MLLT3: variants seen among roughly 807,000 people sequenced by gnomAD.
MLLT3 encodes the protein MLLT3 super elongation complex subunit, also known as protein AF-9.
MLLT3 carries 4 observed loss-of-function variants against 53.2 expected under a neutral mutation model. That is an observed-to-expected ratio of 0.08 (90% confidence interval 0.04 to 0.17). The LOEUF (loss-of-function observed/expected upper bound fraction) is 0.17, where lower values mean the gene tolerates loss of function less well. Among genes scored for constraint, MLLT3 ranks in the 10% least tolerant of loss-of-function variants. The pLI, the probability that MLLT3 is intolerant of heterozygous loss-of-function variation, is 1.00. For missense variants in MLLT3, 569 were observed against 684.0 expected (o/e 0.83, Z 1.87); for synonymous variants, 283 against 230.6 (o/e 1.23, Z -2.06).
intron 5 of MLLT3, among the ~76,000 whole-genome samples, chr9:20,393,639 C>T (rs576020969): frequency 6.6e-6 from 1 of 152,314 alleles, no homozygotes; most frequent in East Asian, 1.9e-4. Context: ...TGCAATGCCT[C>T]TCTTCTTTAC....
At chr9:20,519,077 A>T (rs1404135282) in intron 2 of MLLT3, among the ~76,000 whole-genome samples, 1 of 152,234 alleles carries the variant, frequency 6.6e-6, no homozygotes, top group Non-Finnish European at 1.5e-5. Context: ...AATACTTATT[A>T]ACCAGAAGAA....
chr9:20,430,675 A>G (rs1262339303), intron 4 of MLLT3, among the ~76,000 whole-genome samples: 1 of 152,168 alleles, frequency 6.6e-6, no homozygotes, highest in Non-Finnish European at 1.5e-5. Context: ...AATTCAGGAG[A>G]ATATCTATAT....
intron 2 of MLLT3, among the ~76,000 whole-genome samples, chr9:20,513,833 A>T (rs1817828652): frequency 6.6e-6 from 1 of 152,260 alleles, no homozygotes; most frequent in Admixed American, 6.5e-5. Flanking sequence ...TTCAGAATAG[A>T]TGCTGAAGCA....
chr9:20,402,168 G>C (rs541995546), intron 5 of MLLT3, among the ~76,000 whole-genome samples: 1 of 152,286 alleles, frequency 6.6e-6, no homozygotes, highest in South Asian at 2.1e-4. Flanking sequence ...TAAGTCAAAA[G>C]TGCCAGTAAA....
At chr9:20,425,419 C>A (rs1001802100) in intron 4 of MLLT3, among the ~76,000 whole-genome samples, 1 of 152,018 alleles carries the variant, frequency 6.6e-6, no homozygotes, top group Non-Finnish European at 1.5e-5. Context: ...TTAAACACTT[C>A]GCTATTTTTT....
intron 2 of MLLT3, among the ~76,000 whole-genome samples, chr9:20,492,156 T>A (rs1487757879): frequency 2.0e-5 from 3 of 152,096 alleles, no homozygotes; most frequent in African/African-American, 7.2e-5. Context: ...AAAACCTCCA[T>A]CTTTGTCATT....
intron 5 of MLLT3, among the ~76,000 whole-genome samples, chr9:20,385,362 A>G (rs1337360945): frequency 2.0e-5 from 3 of 152,170 alleles, no homozygotes; most frequent in Non-Finnish European, 4.4e-5. Context: ...TGATTTACTT[A>G]AGGAGACTAC....
chr9:20,385,785 C>T (rs1822019590), intron 5 of MLLT3, among the ~76,000 whole-genome samples: 1 of 152,146 alleles, frequency 6.6e-6, no homozygotes, highest in African/African-American at 2.4e-5. Flanking sequence ...CTACAAGAGT[C>T]TCATATAATT....
At chr9:20,575,386 A>G (rs550476558) in intron 2 of MLLT3, among the ~76,000 whole-genome samples, 2 of 152,204 alleles carry the variant, frequency 1.3e-5, no homozygotes, top group East Asian at 1.9e-4. Flanking sequence ...CTCGCAGAAG[A>G]CCCAGATGAT....
At chr9:20,406,225 T>C (rs1274789481) in intron 5 of MLLT3, among the ~76,000 whole-genome samples, 1 of 152,092 alleles carries the variant, frequency 6.6e-6, no homozygotes, top group East Asian at 1.9e-4. Flanking sequence ...GTCTGGGCCA[T>C]ATAGCGAGAC....
At chr9:20,466,282 A>G (rs1036758530) in intron 2 of MLLT3, among the ~76,000 whole-genome samples, 7 of 152,212 alleles carry the variant, frequency 4.6e-5, no homozygotes, top group Admixed American at 4.6e-4. Context: ...TTGGCATTCA[A>G]AAGTTTCAGA....
At chr9:20,416,343 G>C (rs1822871184) in intron 4 of MLLT3, among the ~76,000 whole-genome samples, 1 of 151,620 alleles carries the variant, frequency 6.6e-6, no homozygotes, top group African/African-American at 2.4e-5. Context: ...CACATATTTT[G>C]TAAATAAGTT....
intron 2 of MLLT3, among the ~76,000 whole-genome samples, chr9:20,606,493 A>G (rs1563841122): frequency 6.6e-6 from 1 of 152,066 alleles, no homozygotes; most frequent in African/African-American, 2.4e-5. Context: ...ATTACATTAT[A>G]CTCCATTTGA....
intron 4 of MLLT3, among the ~76,000 whole-genome samples, chr9:20,430,713 T>C (rs1178426390): frequency 6.6e-6 from 1 of 152,074 alleles, no homozygotes; most frequent in Non-Finnish European, 1.5e-5. Flanking sequence ...ATATACTAAA[T>C]GGGACATTAA....
At chr9:20,477,110 G>A (rs1485135172) in intron 2 of MLLT3, among the ~76,000 whole-genome samples, 3 of 151,818 alleles carry the variant, frequency 2.0e-5, no homozygotes, top group South Asian at 4.2e-4. Context: ...GATGAATGTC[G>A]GAGGGATTCC....
chr9:20,357,276 T>A (rs1821194143), intron 8 of MLLT3, among the ~76,000 whole-genome samples: 1 of 152,176 alleles, frequency 6.6e-6, no homozygotes, highest in African/African-American at 2.4e-5. Flanking sequence ...AGCTTCTGGC[T>A]AAAAAAGATG....
At chr9:20,504,145 G>C (rs1464829257) in intron 2 of MLLT3, among the ~76,000 whole-genome samples, 1 of 152,058 alleles carries the variant, frequency 6.6e-6, no homozygotes, top group African/African-American at 2.4e-5. Context: ...AAAATTTTAA[G>C]GTTCCTCAAA....
chr9:20,367,761 G>A (rs3780828), intron 5 of MLLT3, among the ~76,000 whole-genome samples: 14,089 of 152,132 alleles, frequency 0.093, 1,562 homozygotes, highest in African/African-American at 0.27. Flanking sequence ...AATTCAAGGT[G>A]ACCAAATTTG....
chr9:20,621,028 G>T lies in MLLT3; in HGVS notation c.13-194C>A. The stretch of plus-strand genomic sequence containing the variant: ...CCAAATATACCCGCCCGCCCGGCCC[G>T]GCTTGGCCCCAGGCGCCCCGGGCCC... On this transcript the variant is annotated intron_variant, in intron 1 of 10. Transcript: ENST00000380338. The surrounding 1 kb of genome is among the most constrained non-coding windows in gnomAD (Gnocchi z 7.0). The T allele has an allele frequency of 2.7e-6, 2 of 735,868 alleles. No homozygotes were observed. Among genetic ancestry groups the T allele is most frequent in the Non-Finnish European group, 4.8e-6 (2 of 420,744 alleles). The allele number at this position is 735,868 out of a possible 1,614,324, so 45.6% of individuals were successfully genotyped here. A position where few individuals can be genotyped will look rare whatever the true frequency, so the allele number is the denominator to read the frequency against.
Sources: allele counts gnomAD v4.1 joint callset (sites outside exome capture counted in the v4.1 genomes callset), GRCh38; gene constraint gnomAD v4.1.1; non-coding constraint Gnocchi (gnomAD v3.1); transcripts MANE v1.5; gene names NCBI Gene and HGNC (gene_info 2026-07-23, HGNC 2026-07-21).